OCA2: variants seen among roughly 807,000 people sequenced by gnomAD.
The protein encoded by OCA2 is OCA2 melanosomal transmembrane protein.
In OCA2, 77 loss-of-function variants were observed where a neutral mutation model predicts 100.2. The observed-to-expected ratio is 0.77, with a 90% confidence interval of 0.64 to 0.93. The LOEUF is 0.93. Ranked by LOEUF, OCA2 falls within the 40% of genes least tolerant of loss-of-function variation. The pLI, the probability that OCA2 is intolerant of heterozygous loss-of-function variation, is 0.00. For synonymous variants in OCA2, 432 were observed against 439.2 expected, an observed-to-expected ratio of 0.98 and a Z score of 0.21; for missense variants, 1,062 against 1,089.1, an observed-to-expected ratio of 0.98 and a Z score of 0.35.
chr15:27,782,827 AG>A (rs1290134951), intron 23 of OCA2, among the ~76,000 whole-genome samples: 1 of 152,236 alleles, frequency 6.6e-6, no homozygotes, highest in Non-Finnish European at 1.5e-5. Flanking sequence ...CTATCCCCAT[AG>A]GGGCTCTAAA....
At chr15:27,812,037 C>T (rs1742359079) in intron 23 of OCA2, among the ~76,000 whole-genome samples, 3 of 152,126 alleles carry the variant, frequency 2.0e-5, no homozygotes, top group African/African-American at 7.2e-5. Context: ...TTTGTGCATT[C>T]CATAAAATAA....
chr15:28,088,252 G>C (rs1248238250), intron 1 of OCA2, among the ~76,000 whole-genome samples: 1 of 152,162 alleles, frequency 6.6e-6, no homozygotes, highest in African/African-American at 2.4e-5. Context: ...AAATTCTGTT[G>C]AATGTTTGAA....
chr15:28,021,177 C>T (rs943145062), intron 6 of OCA2, among the ~76,000 whole-genome samples: 1 of 152,196 alleles, frequency 6.6e-6, no homozygotes, highest in Non-Finnish European at 1.5e-5. Flanking sequence ...GAGGGTCCCA[C>T]CTCTCCAGGA....
chr15:27,970,217 T>C (rs562688957), intron 14 of OCA2, among the ~76,000 whole-genome samples: 14 of 151,648 alleles, frequency 9.2e-5, no homozygotes, highest in Non-Finnish European at 1.9e-4. Context: ...CCAGTGCTGA[T>C]CTGAGAGGAG....
At chr15:27,729,199 CA>C in the OCA2 span, among the ~76,000 whole-genome samples, 2 of 152,018 alleles carry the variant, frequency 1.3e-5, no homozygotes, top group African/African-American at 4.8e-5. Context: ...CTGTTCACGG[CA>C]ACTTAAATGT....
In OCA2 at chr15:27,851,302, G is replaced by A; in HGVS notation, c.2338+80C>T. 2.7e-6 allele frequency: 3 copies of A among 1,130,834 alleles called. No homozygotes were observed. In the South Asian group the frequency reaches 3.9e-5, roughly 15 times the overall value. 70.1% of individuals were successfully genotyped at this position (1,130,834 alleles called of 1,614,324 possible). ...ACTCTCCTTCATTTGCTTTTAATCT[G>A]ATACACACTAACTGTTGCTTTGGGC... On this transcript the variant is annotated intron_variant, in intron 22 of 23. Transcript: ENST00000354638.
At chr15:28,027,383 C>T (rs1444350116) in intron 4 of OCA2, among the ~76,000 whole-genome samples, 1 of 152,212 alleles carries the variant, frequency 6.6e-6, no homozygotes, top group Non-Finnish European at 1.5e-5. Context: ...CAAATGCTTA[C>T]ACATTAATGG....
At chr15:27,953,291 C>A (rs554984158) in intron 17 of OCA2, among the ~76,000 whole-genome samples, 1 of 152,172 alleles carries the variant, frequency 6.6e-6, no homozygotes, top group Non-Finnish European at 1.5e-5. Flanking sequence ...ACATGCAAGG[C>A]CCTCTGTGTC....
chr15:27,868,554 G>A lies in OCA2; in HGVS notation c.2244+2600C>T, dbSNP rs373366407. Among the ~76,000 whole-genome samples, 5 of 152,208 alleles carry A rather than the reference G, an allele frequency of 3.3e-5. No individual in the cohort carries two copies. In the East Asian group the frequency reaches 9.7e-4, roughly 30 times the overall value. On this transcript the variant is annotated intron_variant, in intron 21 of 23. Transcript: ENST00000354638. ...AGCAGAGAGTAGAATGGTGGCTGTC[G>A]GGGGTGGAGGGAGGGGGATGGGCAG... is the stretch of plus-strand genomic sequence containing the variant.
intron 2 of OCA2, among the ~76,000 whole-genome samples, chr15:28,054,763 G>A (rs924720570): frequency 2.6e-5 from 4 of 152,158 alleles, no homozygotes; most frequent in African/African-American, 9.7e-5. Flanking sequence ...AACTGCCTGA[G>A]ACACTGGGTA....
chr15:27,973,823 T>C (rs562417637), intron 14 of OCA2, among the ~76,000 whole-genome samples: 1 of 152,350 alleles, frequency 6.6e-6, no homozygotes, highest in South Asian at 2.1e-4. Flanking sequence ...AAGTATGGGA[T>C]GCATTTCCAT....
intron 7 of OCA2, among the ~76,000 whole-genome samples, chr15:28,018,037 T>G (rs1595829248): frequency 2.0e-5 from 3 of 151,808 alleles, no homozygotes; most frequent in African/African-American, 7.3e-5. Context: ...GTAACCGTGC[T>G]GTGGAAGTGT....
At chr15:27,985,551 A>T (rs980168130) in intron 12 of OCA2, among the ~76,000 whole-genome samples, 1 of 152,154 alleles carries the variant, frequency 6.6e-6, no homozygotes, top group African/African-American at 2.4e-5. Context: ...GTGTCTGCTG[A>T]TCTCTGGGGA....
At chr15:27,922,402 T>G (rs2038889845) in intron 19 of OCA2, among the ~76,000 whole-genome samples, 1 of 152,352 alleles carries the variant, frequency 6.6e-6, no homozygotes, top group South Asian at 2.1e-4. Context: ...CCTCACTCAC[T>G]GCAATGGCAA....
At chr15:27,905,602 G>A (rs953349880) in intron 19 of OCA2, among the ~76,000 whole-genome samples, 1 of 152,230 alleles carries the variant, frequency 6.6e-6, no homozygotes, top group African/African-American at 2.4e-5. Flanking sequence ...CAAAGAGGAA[G>A]GGAAAGCTCC....
At chr15:27,948,980 A>C (rs2039939974) in intron 18 of OCA2, among the ~76,000 whole-genome samples, 2 of 152,198 alleles carry the variant, frequency 1.3e-5, no homozygotes, top group African/African-American at 4.8e-5. Context: ...TCTGTAACGG[A>C]GCTGGCCTGT....
intron 23 of OCA2, among the ~76,000 whole-genome samples, chr15:27,787,479 G>C (rs190822867): frequency 6.6e-6 from 1 of 152,062 alleles, no homozygotes; most frequent in East Asian, 1.9e-4. Flanking sequence ...TTGGTAAATT[G>C]TGACTTTCTA....
intron 23 of OCA2, among the ~76,000 whole-genome samples, chr15:27,838,246 A>G (rs973891589): frequency 2.6e-5 from 4 of 152,216 alleles, no homozygotes; most frequent in African/African-American, 9.6e-5. Flanking sequence ...CGACAAAACC[A>G]TGAAGACTAA....
At chr15:27,803,230 C>CAT (rs2033686791) in intron 23 of OCA2, among the ~76,000 whole-genome samples, 1 of 152,124 alleles carries the variant, frequency 6.6e-6, no homozygotes, top group African/African-American at 2.4e-5. Flanking sequence ...CCCACTTCGG[C>CAT]ATATATACCC....
Sources: gnomAD v4.1 joint callset for allele counts (sites outside exome capture counted in the v4.1 genomes callset) on GRCh38, gnomAD v4.1.1 for gene constraint, MANE v1.5 for transcripts, NCBI Gene and HGNC (gene_info 2026-07-23, HGNC 2026-07-21) for gene names.